Variants in NTN4 observed in about 807,000 individuals in gnomAD.
NTN4 encodes netrin-4.
Under a neutral mutation model 73.6 loss-of-function variants are expected in NTN4, and 32 were observed. The observed-to-expected ratio is 0.44, with a 90% CI of 0.33 to 0.58. The LOEUF (loss-of-function observed/expected upper bound fraction) is 0.58. Ranked by LOEUF, NTN4 falls within the 20% of genes least tolerant of loss-of-function variation. The probability of loss-of-function intolerance (pLI) is 0.04; values close to 1 mark genes in which losing one functional copy is unlikely to be tolerated. For synonymous variants in NTN4, 258 were observed against 287.5 expected, an observed-to-expected ratio of 0.90 and a Z score of 1.04; for missense variants, 654 against 798.3, an observed-to-expected ratio of 0.82 and a Z score of 2.18.
intron 2 of NTN4, among the ~76,000 whole-genome samples, chr12:95,762,862 A>T (rs1364282849): frequency 6.6e-6 from 1 of 152,180 alleles, no homozygotes; most frequent in East Asian, 1.9e-4. Context: ...CAAACAAACT[A>T]ACTCTCATTT....
At chr12:95,753,392 C>A (rs1259563361) in intron 2 of NTN4, among the ~76,000 whole-genome samples, 2 of 148,000 alleles carry the variant, frequency 1.4e-5, no homozygotes, top group African/African-American at 2.5e-5. Context: ...ATTAGCTTTA[C>A]TCAACATGTC....
At chr12:95,708,601 G>T (rs958819352) in intron 5 of NTN4, among the ~76,000 whole-genome samples, 3 of 151,956 alleles carry the variant, frequency 2.0e-5, no homozygotes, top group Non-Finnish European at 2.9e-5. Flanking sequence ...TAGAGACAGG[G>T]TCTTCTTCTG....
At position 95,659,230 on chromosome 12, in the gene NTN4, A is replaced by G; in HGVS notation, c.1751-8T>C. 6.2e-7 allele frequency: 1 copy of G among 1,606,514 alleles called. No individual in the cohort carries two copies. ...CTACAAGGTATTCCAAACCTAAAAA[A>G]GAACAAAATTAGGGGCTATACAGTA... On this transcript the variant is annotated splice_region_variant and splice_polypyrimidine_tract_variant and intron_variant, in intron 9 of 9. Coordinates refer to ENST00000343702, the MANE Select transcript of NTN4 (RefSeq NM_021229.4).
At chr12:95,736,722 C>T (rs1359615582) in intron 3 of NTN4, among the ~76,000 whole-genome samples, 1 of 152,178 alleles carries the variant, frequency 6.6e-6, no homozygotes, top group Non-Finnish European at 1.5e-5. Flanking sequence ...TTTTCTTCAA[C>T]TCTGGGAGCC....
chr12:95,745,332 A>C (rs562598485), intron 2 of NTN4, among the ~76,000 whole-genome samples: 3 of 152,052 alleles, frequency 2.0e-5, no homozygotes, highest in Admixed American at 1.3e-4. Flanking sequence ...TGCTATATTT[A>C]TTTCTTTTTC....
At chr12:95,744,836 T>A (rs1465850411) in intron 2 of NTN4, among the ~76,000 whole-genome samples, 1 of 141,200 alleles carries the variant, frequency 7.1e-6, no homozygotes, top group Non-Finnish European at 1.6e-5. Flanking sequence ...TGAAAAACTT[T>A]TTTTTTTTTT....
Position 95,738,141 on chromosome 12 carries a change from T to C in NTN4, c.589A>G (p.Ile197Val), listed in dbSNP as rs746369098. The C allele has an allele frequency of 3.1e-6, 5 of 1,611,522 alleles. No homozygotes were observed. The highest frequency in any genetic ancestry group is 1.3e-5 in the African/African-American group (1 of 74,788). Residue 197 changes from isoleucine (I) to valine (V), a missense_variant, in exon 3 of 10, where the codon ATT becomes GTT. Physicochemically the swap from Ile to Val is conservative, Grantham distance 29 (BLOSUM62 3). Coordinates refer to ENST00000343702, the MANE Select transcript of NTN4 (RefSeq NM_021229.4). Reference protein sequence around the residue: ...SPFPCTGGEVIFKALSPPYDT... With the variant: ...SPFPCTGGEVVFKALSPPYDT... Reference sequence around the variant, plus strand: ...TATGGTGGTGACAAAGCTTTGAAAATAACCTGTAAGGAGAAAGAAAATACC... The same window carrying C: ...TATGGTGGTGACAAAGCTTTGAAAACAACCTGTAAGGAGAAAGAAAATACC...
At chr12:95,712,750 C>T (rs556345288) in intron 4 of NTN4, among the ~76,000 whole-genome samples, 12 of 150,962 alleles carry the variant, frequency 7.9e-5, no homozygotes, top group African/African-American at 2.2e-4. Context: ...TACAGGTGCA[C>T]GCCACCATGC....
intron 2 of NTN4, among the ~76,000 whole-genome samples, chr12:95,754,515 G>T (rs1320903167): frequency 6.6e-6 from 1 of 151,988 alleles, no homozygotes; most frequent in Non-Finnish European, 1.5e-5. Flanking sequence ...GCACGTATAC[G>T]CCCAGATGGC....
chr12:95,788,105 C>A (rs545279671), intron 1 of NTN4, among the ~76,000 whole-genome samples: 3 of 152,286 alleles, frequency 2.0e-5, no homozygotes, highest in Non-Finnish European at 4.4e-5. Context: ...AAGCTAGAGA[C>A]CTTTGGAGTT....
At chr12:95,782,523 C>G (rs1481834577) in intron 2 of NTN4, among the ~76,000 whole-genome samples, 1 of 152,076 alleles carries the variant, frequency 6.6e-6, no homozygotes, top group East Asian at 1.9e-4. Context: ...GTCTTGAACT[C>G]CTGACCTTAG....
chr12:95,666,803 C>A lies in NTN4; in HGVS notation c.1580-823G>T, dbSNP rs181941582. ...ATATGATTGACTACTTAATATTCTT[C>A]TCCTGGAATAAAATGCAAGCTGACT... On this transcript the variant is annotated intron_variant, in intron 8 of 9. Coordinates refer to ENST00000343702, the MANE Select transcript of NTN4 (RefSeq NM_021229.4). 5.9e-4 allele frequency among the ~76,000 whole-genome samples: 90 copies of A among 152,296 alleles called. 1 individual carries two copies. Among genetic ancestry groups the A allele is most frequent in the African/African-American group, 1.4e-3 (57 of 41,572 alleles).
intron 2 of NTN4, among the ~76,000 whole-genome samples, chr12:95,764,565 T>C (rs966500541): frequency 4.0e-5 from 6 of 151,546 alleles, no homozygotes; most frequent in Non-Finnish European, 8.8e-5. Context: ...CTCAGGAGGC[T>C]GAGGCAGGAG....
rs1482088669 is a variant in NTN4 at position 95,713,225 on chromosome 12, G to T, written c.978C>A (p.Pro326=). The T allele has an allele frequency of 6.2e-7, 1 of 1,613,184 alleles. No individual in the cohort carries two copies. Among genetic ancestry groups the T allele is most frequent in the Non-Finnish European group, 8.5e-7 (1 of 1,179,410 alleles). Residue 326 remains proline (P), a synonymous_variant, in exon 4 of 10, where the codon CCC becomes CCA. Transcript: ENST00000343702. ...CTTGTTACTTACTTCTGCACTCGTTGGGAGCCCCCGTTTTGCCATCAGCTG... is the reference window on the plus strand; with the variant it reads ...CTTGTTACTTACTTCTGCACTCGTTTGGAGCCCCCGTTTTGCCATCAGCTG... The part of the protein sequence containing the change: ...WEAADGKTGA[P]NECRTCKCNG...
In NTN4 at chr12:95,790,689, C is replaced by A; in HGVS notation, c.-380G>T. Reference sequence around the variant, plus strand: ...AGACCTTTCACTTCCCGGCCGCCGCCGCCGCCTCCTCCTGGGCGTCCTCCT... The same window carrying A: ...AGACCTTTCACTTCCCGGCCGCCGCAGCCGCCTCCTCCTGGGCGTCCTCCT... On this transcript the variant is annotated 5_prime_UTR_variant, in exon 1 of 10. Transcript: ENST00000343702. This position sits in a 1 kb window ranked among gnomAD's most constrained non-coding sequence, Gnocchi z 6.5. The A allele has an allele frequency of 1.2e-5, 2 of 164,760 alleles. No individual in the cohort carries two copies. Among genetic ancestry groups the A allele is most frequent in the South Asian group, 3.5e-4 (2 of 5,672 alleles). The allele number at this position is 164,760 out of a possible 1,614,324, so 10.2% of individuals were successfully genotyped here.
intron 3 of NTN4, among the ~76,000 whole-genome samples, chr12:95,715,928 A>G (rs1188446734): frequency 6.6e-6 from 1 of 150,722 alleles, no homozygotes; most frequent in Non-Finnish European, 1.5e-5. Flanking sequence ...GACTTCAAAG[A>G]AAAGAGAGTC....
intron 2 of NTN4, among the ~76,000 whole-genome samples, chr12:95,783,421 C>T (rs943958655): frequency 2.6e-5 from 4 of 152,214 alleles, no homozygotes; most frequent in Non-Finnish European, 5.9e-5. Flanking sequence ...ATCTTTTATT[C>T]TCAGTATACC....
At chr12:95,687,916 G>C (rs1205660824) in intron 5 of NTN4, among the ~76,000 whole-genome samples, 1 of 152,084 alleles carries the variant, frequency 6.6e-6, no homozygotes, top group Non-Finnish European at 1.5e-5. Flanking sequence ...GAGCCCATGT[G>C]GGGAATGTGA....
intron 5 of NTN4, among the ~76,000 whole-genome samples, chr12:95,704,413 G>A (rs942587605): frequency 2.0e-5 from 3 of 152,126 alleles, no homozygotes; most frequent in South Asian, 2.1e-4. Flanking sequence ...TAAGAATATC[G>A]CTGTCAGCAC....
Sources: gnomAD v4.1 joint callset for allele counts (sites outside exome capture counted in the v4.1 genomes callset) on GRCh38, gnomAD v4.1.1 for gene constraint, Gnocchi (gnomAD v3.1) non-coding constraint, MANE v1.5 for transcripts, NCBI Gene and HGNC (gene_info 2026-07-23, HGNC 2026-07-21) for gene names.